SARAF: variants seen among roughly 807,000 people sequenced by gnomAD.
SARAF encodes store-operated calcium entry associated regulatory factor.
SARAF carries 23 observed loss-of-function variants against 39.7 expected under a neutral mutation model. The observed-to-expected ratio is 0.58, with a 90% CI of 0.42 to 0.82. The LOEUF is 0.82. SARAF is among the 40% of genes least tolerant of loss of function. SARAF has a pLI of 0.00. For synonymous variants in SARAF, 175 were observed against 168.5 expected (o/e 1.04, Z -0.30); for missense variants, 384 against 418.5 (o/e 0.92, Z 0.72).
At chr8:30,069,376 G>C (rs1343609110) in intron 3 of SARAF, among the ~76,000 whole-genome samples, 4 of 152,018 alleles carry the variant, frequency 2.6e-5, no homozygotes. Flanking sequence ...CCAACCTCAA[G>C]TGATCTGCCC....
intron 5 of SARAF, among the ~76,000 whole-genome samples, chr8:30,065,452 C>T (rs1801662677): frequency 6.6e-6 from 1 of 152,134 alleles, no homozygotes; most frequent in Admixed American, 6.5e-5. Flanking sequence ...ACTTCCTTTT[C>T]CTGAAAGACA....
rs149037547 is a variant in SARAF, at chr8:30,080,457, C to T, written c.103+2390G>A. 2.8e-3 allele frequency among the ~76,000 whole-genome samples: 429 copies of T among 152,282 alleles called. 1 individual carries two copies. Among genetic ancestry groups the T allele is most frequent in the African/African-American group, 1.0e-2 (415 of 41,546 alleles). On this transcript the variant is annotated intron_variant, in intron 1 of 5. Coordinates refer to ENST00000256255, the MANE Select transcript of SARAF (RefSeq NM_016127.6). ...CGTTTTTTAAGTCTCCACTTCTGCC[C>T]GCACACCATGTCCTCCTTACGCTGT...
In SARAF at chr8:30,073,947, G is replaced by C; in HGVS notation, c.212C>G (p.Ala71Gly). The C allele has an allele frequency of 6.2e-7, 1 of 1,614,156 alleles. No homozygotes were observed. Among genetic ancestry groups the C allele is most frequent in the Non-Finnish European group, 8.5e-7 (1 of 1,180,036 alleles). ...TTTTGGGGTATAAGAATCACAACCA[G>C]CTGTGCCTCCAACACATTTCAACTG... ...IPQLKCVGGTAGCDSYTPKVI... is the reference protein window; with the variant it reads ...IPQLKCVGGTGGCDSYTPKVI... Residue 71 changes from alanine to glycine, a missense_variant, in exon 2 of 6, where the codon GCT (alanine) becomes GGT (glycine). By Grantham distance (60) the Ala-to-Gly change is moderately conservative. Coordinates refer to ENST00000256255, the MANE Select transcript of SARAF (RefSeq NM_016127.6).
intron 1 of SARAF, among the ~76,000 whole-genome samples, chr8:30,082,045 C>G (rs1417918169): frequency 6.6e-6 from 1 of 152,112 alleles, no homozygotes. Context: ...AGATAAGAGG[C>G]AGCGGTTCTC....
chr8:30,080,640 T>C (rs191372772), intron 1 of SARAF, among the ~76,000 whole-genome samples: 228 of 152,350 alleles, frequency 1.5e-3, no homozygotes, highest in Non-Finnish European at 2.3e-3. Context: ...AGTAACTTAA[T>C]ATAAGATTAC....
rs1802144262 is a variant in SARAF, at chr8:30,082,977, G to A, written c.-28C>T. 1.3e-6 allele frequency: 2 copies of A among 1,521,228 alleles called. No homozygotes were observed. Among genetic ancestry groups the A allele is most frequent in the Non-Finnish European group, 1.8e-6 (2 of 1,128,728 alleles). The allele number at this position is 1,521,228 out of a possible 1,614,324, so 94.2% of individuals were successfully genotyped here. ...CGCTCGATGAAGATGGCGCCGGGCT[G>A]CCAGACGCCTACGGGCCGAACCTGG... On this transcript the variant is annotated 5_prime_UTR_variant, in exon 1 of 6. Transcript: ENST00000256255.
upstream of SARAF, chr8:30,083,091 C>A (rs1802151563): frequency 3.5e-6 from 2 of 571,962 alleles, no homozygotes; most frequent in Admixed American, 4.0e-5. Flanking sequence ...GCAGCCGCAA[C>A]GGATCCGTGC....
In SARAF at chr8:30,063,693, A is replaced by C; in HGVS notation, c.*195T>G. ...CATCTGCATGTTACACTGACATACA[A>C]CACATAAGTATTTTGTCACACATCA... On this transcript the variant is annotated 3_prime_UTR_variant, in exon 6 of 6. Coordinates refer to ENST00000256255, the MANE Select transcript of SARAF (RefSeq NM_016127.6). 1.6e-6 allele frequency: 1 copy of C among 608,288 alleles called. No individual in the cohort carries two copies. Among genetic ancestry groups the C allele is most frequent in the Non-Finnish European group, 2.9e-6 (1 of 342,072 alleles). The allele number at this position is 608,288 out of a possible 1,614,324, so 37.7% of individuals were successfully genotyped here.
intron 1 of SARAF, among the ~76,000 whole-genome samples, chr8:30,079,787 T>C (rs1802057209): frequency 6.6e-6 from 1 of 152,220 alleles, no homozygotes; most frequent in Non-Finnish European, 1.5e-5. Flanking sequence ...GTATGATAAA[T>C]ATTACTGAAA....
intron 5 of SARAF, 114 bp from the exon 6 acceptor site, chr8:30,064,027 G>GA: frequency 1.1e-6 from 1 of 937,190 alleles, no homozygotes; most frequent in Non-Finnish European, 1.6e-6. Context: ...AGGAGGAAAG[G>GA]AAAGAGTGTG....
At chr8:30,064,352 G>C (rs1189338854) in intron 5 of SARAF, among the ~76,000 whole-genome samples, 1 of 151,616 alleles carries the variant, frequency 6.6e-6, no homozygotes, top group East Asian at 1.9e-4. Context: ...ACACACACAG[G>C]CTACAGGATG....
At chr8:30,071,449 C>G (rs886196709) in intron 2 of SARAF, among the ~76,000 whole-genome samples, 3 of 152,232 alleles carry the variant, frequency 2.0e-5, no homozygotes, top group Non-Finnish European at 4.4e-5. Flanking sequence ...TCAAAGTTCA[C>G]ACTATTTTAC....
At chr8:30,077,710 G>A (rs945321188) in intron 1 of SARAF, among the ~76,000 whole-genome samples, 7 of 151,956 alleles carry the variant, frequency 4.6e-5, no homozygotes, top group Non-Finnish European at 1.0e-4. Context: ...GCTGAGGCAG[G>A]AGAATTGCTT....
chr8:30,065,975 T>C lies in SARAF; in HGVS notation c.994+13A>G, dbSNP rs750833002. On this transcript the variant is annotated intron_variant, in intron 5 of 5. Coordinates refer to ENST00000256255, the MANE Select transcript of SARAF (RefSeq NM_016127.6). Reference sequence around the variant, plus strand: ...ACTCCTAGGTAAAAGGAACTTGTATTTTTTGCTCTTACCTGATGCAGTTCT... The same window carrying C: ...ACTCCTAGGTAAAAGGAACTTGTATCTTTTGCTCTTACCTGATGCAGTTCT... 3 of 1,547,584 alleles carry C rather than the reference T, an allele frequency of 1.9e-6. No individual in the cohort carries two copies. The Admixed American group carries it at 5.1e-5, about 26-fold the overall frequency.
At chr8:30,067,438 C>T (rs183934471) in intron 3 of SARAF, among the ~76,000 whole-genome samples, 25 of 152,292 alleles carry the variant, frequency 1.6e-4, no homozygotes, top group Non-Finnish European at 1.6e-4. Context: ...TAATCTTACA[C>T]GTGTGGCACA....
intron 2 of SARAF, 113 bp from the exon 3 acceptor site, chr8:30,070,172 G>A (rs896075304): frequency 1.1e-5 from 10 of 919,396 alleles, no homozygotes; most frequent in African/African-American, 1.0e-4. Flanking sequence ...CACTTTCGGA[G>A]GCCAAGGCGG....
chr8:30,073,311 T>C (rs1298775661), intron 2 of SARAF, among the ~76,000 whole-genome samples: 1 of 152,222 alleles, frequency 6.6e-6, no homozygotes, highest in Non-Finnish European at 1.5e-5. Flanking sequence ...TAATAAAATC[T>C]ATCTCTAAAG....
intron 1 of SARAF, 77 bp from the exon 2 acceptor site, chr8:30,074,132 T>C: frequency 1.3e-6 from 2 of 1,491,120 alleles, no homozygotes; most frequent in Admixed American, 2.0e-5. Context: ...AACGAAACTC[T>C]CGTCATAGGA....
chr8:30,083,158 G>T (rs917271026), upstream of SARAF: 1 of 476,282 alleles, frequency 2.1e-6, no homozygotes, highest in African/African-American at 2.1e-5. Flanking sequence ...GGCCGCCGTG[G>T]GCCCCCGCCC....
Sources: allele counts gnomAD v4.1 joint callset (sites outside exome capture counted in the v4.1 genomes callset), GRCh38; gene constraint gnomAD v4.1.1; transcripts MANE v1.5; gene names NCBI Gene and HGNC (gene_info 2026-07-23, HGNC 2026-07-21).